Variants in CALN1 observed in about 807,000 individuals in gnomAD.
CALN1 encodes calneuron 1.
CALN1 carries 17 observed loss-of-function variants against 30.6 expected under a neutral mutation model. The ratio of observed to expected loss-of-function variants is 0.56; its 90% CI spans 0.38 to 0.83. CALN1 has a LOEUF of 0.83. Among genes scored for constraint, CALN1 ranks in the 40% least tolerant of loss-of-function variants. The pLI is 0.00. For synonymous variants in CALN1, 156 were observed against 131.4 expected, an observed-to-expected ratio of 1.19 and a Z score of -1.28; for missense variants, 291 against 354.9, an observed-to-expected ratio of 0.82 and a Z score of 1.45.
At chr7:72,127,503 A>T (rs1279847267) in intron 3 of CALN1, among the ~76,000 whole-genome samples, 2 of 152,174 alleles carry the variant, frequency 1.3e-5, no homozygotes, top group Non-Finnish European at 2.9e-5. Flanking sequence ...GACTATCCTG[A>T]GAGCAGAGAG....
intron 5 of CALN1, among the ~76,000 whole-genome samples, chr7:71,945,728 C>T (rs1177702650): frequency 6.6e-6 from 1 of 152,240 alleles, no homozygotes; most frequent in Non-Finnish European, 1.5e-5. Flanking sequence ...TGCAGGAAAA[C>T]AGGCTCAGGG....
At chr7:72,172,449 G>A (rs1789036864) in intron 3 of CALN1, among the ~76,000 whole-genome samples, 1 of 152,102 alleles carries the variant, frequency 6.6e-6, no homozygotes, top group Non-Finnish European at 1.5e-5. Context: ...AGAGTGAAAT[G>A]GACCAAAAAG....
intron 4 of CALN1, among the ~76,000 whole-genome samples, chr7:72,103,893 C>T (rs1309062899): frequency 8.5e-5 from 13 of 152,068 alleles, no homozygotes; most frequent in Non-Finnish European, 1.2e-4. Flanking sequence ...TGCGGGTTAT[C>T]GTGTCCTTGG....
At chr7:71,790,347 AAAAGAAAG>A (rs1274306297) in intron 6 of CALN1, among the ~76,000 whole-genome samples, 4 of 115,644 alleles carry the variant, frequency 3.5e-5, no homozygotes, top group African/African-American at 1.2e-4. Flanking sequence ...AGAAAGAAAG[AAAAGAAAG>A]AAAGAAAGAA....
intron 3 of CALN1, among the ~76,000 whole-genome samples, chr7:72,158,420 A>T (rs1787871205): frequency 6.6e-6 from 1 of 152,112 alleles, no homozygotes; most frequent in Non-Finnish European, 1.5e-5. Flanking sequence ...GCCTCCCCCA[A>T]AATATTCCTT....
intron 3 of CALN1, among the ~76,000 whole-genome samples, chr7:72,271,873 C>G (rs1797017040): frequency 6.6e-6 from 1 of 151,416 alleles, no homozygotes; most frequent in Non-Finnish European, 1.5e-5. Context: ...ACTAGCCTGG[C>G]CAACATGGTG....
chr7:72,391,704 G>GT (rs553279236), intron 2 of CALN1, among the ~76,000 whole-genome samples: 2 of 152,026 alleles, frequency 1.3e-5, no homozygotes, highest in Non-Finnish European at 2.9e-5. Context: ...CCCTGCACAA[G>GT]TTTTTTTGTT....
chr7:72,224,675 G>A (rs1026354795), intron 3 of CALN1, among the ~76,000 whole-genome samples: 6 of 152,008 alleles, frequency 3.9e-5, no homozygotes, highest in Admixed American at 6.6e-5. Flanking sequence ...CAGCTACTCG[G>A]GAGGCTGAGA....
At chr7:72,376,085 T>G (rs915252178) in intron 2 of CALN1, among the ~76,000 whole-genome samples, 1 of 152,258 alleles carries the variant, frequency 6.6e-6, no homozygotes, top group Non-Finnish European at 1.5e-5. Flanking sequence ...ATTCCTTTAG[T>G]TGGCTAGTTA....
chr7:72,300,847 G>T (rs1799211377), intron 2 of CALN1, among the ~76,000 whole-genome samples: 1 of 152,102 alleles, frequency 6.6e-6, no homozygotes, highest in African/African-American at 2.4e-5. Flanking sequence ...ACAAAAATTA[G>T]CTGGGCATGG....
chr7:72,457,004 CTTTTTTTTTTTTT>C, the CALN1 span, among the ~76,000 whole-genome samples: 1 of 106,606 alleles, frequency 9.4e-6, no homozygotes, highest in Non-Finnish European at 1.8e-5. Flanking sequence ...TTCTTTCTTT[CTTTTTTTTTTTTT>C]TTTTTTTTGA....
chr7:71,918,577 A>G (rs1001378450), intron 5 of CALN1, among the ~76,000 whole-genome samples: 3 of 152,190 alleles, frequency 2.0e-5, no homozygotes, highest in Non-Finnish European at 2.9e-5. Context: ...GAATGAGAAA[A>G]TCTGGAGGGA....
At chr7:72,161,470 T>C (rs1788103310) in intron 3 of CALN1, among the ~76,000 whole-genome samples, 2 of 152,196 alleles carry the variant, frequency 1.3e-5, no homozygotes, top group East Asian at 1.9e-4. Flanking sequence ...AGATTTCTCA[T>C]ATAAAACAAT....
chr7:71,863,557 C>CAAA lies in CALN1; in HGVS notation c.502-53068_502-53066dup, dbSNP rs71531769. 3.3e-3 allele frequency among the ~76,000 whole-genome samples: 107 copies of CAAA among 32,190 alleles called. 3 individuals carry two copies. The highest frequency in any genetic ancestry group is 4.7e-3 in the Non-Finnish European group (61 of 12,976). 21.1% of individuals were successfully genotyped at this position (32,190 alleles called of 152,430 possible). On this transcript the variant is annotated intron_variant, in intron 5 of 6. Transcript: ENST00000395275. ...TGGGCAACAGAACTAAACTCCATCT[C>CAAA]AAAAAAAAAAAAAAAAAAAAAAAAA...
chr7:72,191,886 C>A (rs1157752355), intron 3 of CALN1, among the ~76,000 whole-genome samples: 1 of 152,184 alleles, frequency 6.6e-6, no homozygotes, highest in African/African-American at 2.4e-5. Context: ...GCTAGGCTAG[C>A]ACCCGTTTCC....
chr7:72,086,889 G>A (rs1242984051), intron 4 of CALN1, among the ~76,000 whole-genome samples: 1 of 152,056 alleles, frequency 6.6e-6, no homozygotes, highest in Non-Finnish European at 1.5e-5. Context: ...AATTAAATAA[G>A]GGTCAAATAA....
At chr7:72,477,253 C>A in the CALN1 span, among the ~76,000 whole-genome samples, 96,659 of 151,504 alleles carry the variant, frequency 0.64, 31,499 homozygotes, top group African/African-American at 0.77. Flanking sequence ...AACATGAAAG[C>A]GAAAGGAGCT....
intron 3 of CALN1, among the ~76,000 whole-genome samples, chr7:72,165,019 A>T (rs1788423784): frequency 6.6e-6 from 1 of 152,210 alleles, no homozygotes; most frequent in Admixed American, 6.5e-5. Flanking sequence ...AAGTGGTTAC[A>T]TAGGCATATA....
chr7:72,263,229 C>T (rs1255010352), intron 3 of CALN1, among the ~76,000 whole-genome samples: 1 of 152,030 alleles, frequency 6.6e-6, no homozygotes, highest in Non-Finnish European at 1.5e-5. Flanking sequence ...CAGATAGGAA[C>T]AATAATAGGA....
Sources: gnomAD v4.1 joint callset for allele counts (sites outside exome capture counted in the v4.1 genomes callset) on GRCh38, gnomAD v4.1.1 for gene constraint, MANE v1.5 for transcripts, NCBI Gene and HGNC (gene_info 2026-07-23, HGNC 2026-07-21) for gene names.